The following DPYD variants were observed in gnomAD, a reference collection of about 807,000 sequenced individuals.
The protein encoded by DPYD is dihydropyrimidine dehydrogenase, also known as dihydropyrimidine dehydrogenase [NADP(+)].
In DPYD, 109 loss-of-function variants were observed where a neutral mutation model predicts 116.2. The observed-to-expected ratio is 0.94, with a 90% confidence interval of 0.80 to 1.10. The LOEUF (loss-of-function observed/expected upper bound fraction) is 1.10, where lower values mean the gene tolerates loss of function less well. Ranked by LOEUF, DPYD falls within the 50% of genes least tolerant of loss-of-function variation. The pLI is 0.00. For missense variants in DPYD, 1,302 were observed against 1,254.5 expected, an observed-to-expected ratio of 1.04 and a Z score of -0.57; for synonymous variants, 440 against 432.0, an observed-to-expected ratio of 1.02 and a Z score of -0.23.
chr1:97,906,521 A>G (rs1322587859), intron 1 of DPYD, among the ~76,000 whole-genome samples: 3 of 152,112 alleles, frequency 2.0e-5, no homozygotes, highest in Non-Finnish European at 4.4e-5. Flanking sequence ...GCAAGTACTT[A>G]AAAATTACTT....
chr1:97,610,838 A>G (rs1223369131), intron 8 of DPYD, among the ~76,000 whole-genome samples: 1 of 152,092 alleles, frequency 6.6e-6, no homozygotes, highest in Non-Finnish European at 1.5e-5. Context: ...TGCTTACAAA[A>G]TACATATATC....
chr1:97,599,906 C>T (rs1043416085), intron 8 of DPYD, among the ~76,000 whole-genome samples: 6 of 141,028 alleles, frequency 4.3e-5, no homozygotes, highest in Admixed American at 2.2e-4. Flanking sequence ...ATTAGCCGGG[C>T]GTGCTGGCTC....
intron 13 of DPYD, among the ~76,000 whole-genome samples, chr1:97,498,117 C>T (rs1252092594): frequency 2.6e-5 from 4 of 151,504 alleles, no homozygotes; most frequent in Admixed American, 1.3e-4. Flanking sequence ...ATAGGTAAAT[C>T]CATAGAGATA....
intron 16 of DPYD, among the ~76,000 whole-genome samples, chr1:97,318,511 A>G (rs2101089246): frequency 6.6e-6 from 1 of 152,118 alleles, no homozygotes; most frequent in South Asian, 2.1e-4. Flanking sequence ...TAAAGGGATC[A>G]ATTCAACAAG....
intron 15 of DPYD, 69 bp from the exon 16 acceptor site, chr1:97,373,713 T>C: frequency 2.2e-6 from 3 of 1,344,824 alleles, no homozygotes; most frequent in Non-Finnish European, 3.2e-6. Flanking sequence ...CTTTCACCGT[T>C]GATAACACAA....
chr1:97,624,468 A>G (rs1571080406), intron 8 of DPYD, among the ~76,000 whole-genome samples: 1 of 152,222 alleles, frequency 6.6e-6, no homozygotes, highest in Non-Finnish European at 1.5e-5. Flanking sequence ...GATGAAAGAT[A>G]ACAAGTGTTA....
intron 13 of DPYD, among the ~76,000 whole-genome samples, chr1:97,465,509 G>A (rs761618201): frequency 5.9e-5 from 9 of 152,120 alleles, no homozygotes; most frequent in South Asian, 4.1e-4. Context: ...AATGAATCAC[G>A]GGGGTAAGTC....
intron 14 of DPYD, among the ~76,000 whole-genome samples, chr1:97,386,013 T>C (rs1044524914): frequency 1.3e-5 from 2 of 152,082 alleles, no homozygotes; most frequent in Non-Finnish European, 2.9e-5. Context: ...GTTCAGGACA[T>C]TGCGAGAATC....
intron 12 of DPYD, among the ~76,000 whole-genome samples, chr1:97,528,164 A>G (rs1486293441): frequency 1.3e-5 from 2 of 152,184 alleles, no homozygotes; most frequent in Non-Finnish European, 2.9e-5. Context: ...CTTACAGGGT[A>G]AAAATTAATT....
chr1:97,569,715 C>T (rs1431004001), intron 11 of DPYD, among the ~76,000 whole-genome samples: 1 of 151,838 alleles, frequency 6.6e-6, no homozygotes, highest in African/African-American at 2.4e-5. Context: ...ATATTTAAGG[C>T]TGACGTTATA....
chr1:97,827,145 T>C (rs1018005840), intron 3 of DPYD, among the ~76,000 whole-genome samples: 1 of 152,122 alleles, frequency 6.6e-6, no homozygotes, highest in African/African-American at 2.4e-5. Context: ...GGTAACTGTG[T>C]GCTAGCAATA....
At position 97,430,544 on chromosome 1, in the gene DPYD, G is replaced by A. The variant is rs114363888; in HGVS notation, c.1905+19515C>T. ...GTGGAGGTGGCAGTGAGCTGAAATC[G>A]CGTCACTGCACTCCAGCCTGGGCAG... On this transcript the variant is annotated intron_variant, in intron 14 of 22. Transcript: ENST00000370192. Among the ~76,000 whole-genome samples the A allele has an allele frequency of 7.4e-3, 1,118 of 151,730 alleles. 10 individuals are homozygous for A. Among genetic ancestry groups the A allele is most frequent in the African/African-American group, 0.022 (895 of 41,356 alleles).
chr1:97,303,487 C>T (rs1358560467), intron 18 of DPYD, among the ~76,000 whole-genome samples: 1 of 151,976 alleles, frequency 6.6e-6, no homozygotes, highest in East Asian at 1.9e-4. Flanking sequence ...TATTATTTAA[C>T]ACAATTTTGC....
intron 8 of DPYD, among the ~76,000 whole-genome samples, chr1:97,623,739 G>A (rs570153483): frequency 2.0e-5 from 3 of 151,812 alleles, no homozygotes; most frequent in Non-Finnish European, 4.4e-5. Context: ...ATACAACAAA[G>A]CTAGAGTAAT....
At chr1:97,666,289 C>T (rs567574538) in intron 8 of DPYD, among the ~76,000 whole-genome samples, 17 of 152,154 alleles carry the variant, frequency 1.1e-4, no homozygotes, top group African/African-American at 3.9e-4. Flanking sequence ...TCTCCCACTT[C>T]AGCCTATTGA....
chr1:97,448,580 A>G (rs1202622014), intron 14 of DPYD, among the ~76,000 whole-genome samples: 3 of 151,770 alleles, frequency 2.0e-5, no homozygotes, highest in Non-Finnish European at 4.4e-5. Context: ...ACTGTAGATC[A>G]GGTTTACAAA....
At position 97,248,525 on chromosome 1, in the gene DPYD, A is replaced by G. The variant is rs148409072; in HGVS notation, c.2300-13531T>C. 2.8e-3 allele frequency among the ~76,000 whole-genome samples: 427 copies of G among 152,314 alleles called. 3 individuals are homozygous for G. The highest frequency in any genetic ancestry group is 0.024 in the Middle Eastern group (7 of 294). On this transcript the variant is annotated intron_variant, in intron 18 of 22. Coordinates refer to ENST00000370192, the MANE Select transcript of DPYD (RefSeq NM_000110.4). The stretch of plus-strand genomic sequence containing the variant: ...GATGTATGTCTTTATTAGCAGTGTG[A>G]AAATGGACTAATACATGGTTTAACA...
intron 18 of DPYD, among the ~76,000 whole-genome samples, chr1:97,239,118 C>T (rs1319824527): frequency 1.3e-5 from 2 of 152,070 alleles, no homozygotes; most frequent in Non-Finnish European, 2.9e-5. Flanking sequence ...ATTCTAGGCC[C>T]TCCATGTAGT....
chr1:97,852,267 C>T (rs1482514007), intron 2 of DPYD, among the ~76,000 whole-genome samples: 1 of 151,950 alleles, frequency 6.6e-6, no homozygotes, highest in Non-Finnish European at 1.5e-5. Flanking sequence ...CTGATTAGTG[C>T]TATTATAACA....
Sources: gnomAD v4.1 joint callset for allele counts (sites outside exome capture counted in the v4.1 genomes callset) on GRCh38, gnomAD v4.1.1 for gene constraint, MANE v1.5 for transcripts, NCBI Gene and HGNC (gene_info 2026-07-23, HGNC 2026-07-21) for gene names.